DNAH12: variants seen among roughly 807,000 people sequenced by gnomAD.
The protein encoded by DNAH12 is axonemal beta dynein heavy chain 12.
A neutral mutation model predicts 371.5 loss-of-function variants in DNAH12; 285 were observed. The observed-to-expected ratio is 0.77, with a 90% CI of 0.70 to 0.85. DNAH12 has a LOEUF of 0.85. Among genes scored for constraint, DNAH12 ranks in the 40% least tolerant of loss-of-function variants. The probability of loss-of-function intolerance (pLI) is 0.00; values close to 1 mark genes in which losing one functional copy is unlikely to be tolerated. For synonymous variants in DNAH12, 1,200 were observed against 1,213.0 expected (o/e 0.99, Z 0.22); for missense variants, 3,611 against 3,689.4 (o/e 0.98, Z 0.55).
intron 2 of DNAH12, among the ~76,000 whole-genome samples, chr3:57,532,117 T>C (rs1050553962): frequency 4.6e-5 from 7 of 152,232 alleles, no homozygotes; most frequent in African/African-American, 9.6e-5. Flanking sequence ...TTAAAACTGC[T>C]ATTAAAAGAA....
intron 65 of DNAH12, among the ~76,000 whole-genome samples, chr3:57,318,469 T>C (rs183594563): frequency 5.5e-4 from 84 of 152,216 alleles, no homozygotes; most frequent in Non-Finnish European, 4.6e-4. Flanking sequence ...GTTGACCTTA[T>C]ATGTGTAGAT....
At chr3:57,358,887 C>A (rs1368362223) in intron 58 of DNAH12, among the ~76,000 whole-genome samples, 1 of 152,090 alleles carries the variant, frequency 6.6e-6, no homozygotes, top group East Asian at 1.9e-4. Context: ...TGGGTTCAAG[C>A]GATTCTCCTG....
At chr3:57,487,171 C>A (rs903791244) in intron 12 of DNAH12, among the ~76,000 whole-genome samples, 3 of 151,696 alleles carry the variant, frequency 2.0e-5, no homozygotes, top group Non-Finnish European at 4.4e-5. Context: ...CACAGTGGCC[C>A]ACACCTGTAA....
chr3:57,317,067 C>G (rs2061701464), intron 65 of DNAH12, among the ~76,000 whole-genome samples: 1 of 152,194 alleles, frequency 6.6e-6, no homozygotes, highest in African/African-American at 2.4e-5. Flanking sequence ...TATATTTAAA[C>G]TAACTGAAAT....
At chr3:57,300,626 T>C (rs1272941311) in intron 70 of DNAH12, among the ~76,000 whole-genome samples, 1 of 152,116 alleles carries the variant, frequency 6.6e-6, no homozygotes, top group African/African-American at 2.4e-5. Flanking sequence ...CAGCAAGATA[T>C]GGTTGACCTA....
chr3:57,512,854 C>T (rs1334410717), intron 4 of DNAH12, among the ~76,000 whole-genome samples: 1 of 152,078 alleles, frequency 6.6e-6, no homozygotes, highest in Non-Finnish European at 1.5e-5. Context: ...AAATGTGGTA[C>T]ATGGCCAGGC....
chr3:57,310,628 TA>T, intron 67 of DNAH12, 88 bp downstream of exon 67: 1 of 889,046 alleles, frequency 1.1e-6, no homozygotes, highest in Non-Finnish European at 1.7e-6. Context: ...AATATTTGTC[TA>T]AACCTATACA....
At chr3:57,524,010 A>G in intron 2 of DNAH12, 126 bp from the exon 3 acceptor site, 1 of 556,184 alleles carries the variant, frequency 1.8e-6, no homozygotes, top group Non-Finnish European at 2.9e-6. Flanking sequence ...TGAATTTTTT[A>G]TGAGAAACAA....
In DNAH12 at chr3:57,507,717, C is replaced by T. The variant is rs747711530; in HGVS notation, c.823G>A (p.Glu275Lys). The T allele has an allele frequency of 6.2e-7, 1 of 1,611,280 alleles. No homozygotes were observed. Among genetic ancestry groups the T allele is most frequent in the South Asian group, 1.1e-5 (1 of 90,242 alleles). Residue 275 changes from glutamate (E) to lysine (K), a missense_variant, in exon 8 of 74, where the codon GAG (glutamate) becomes AAG (lysine). Coordinates refer to ENST00000495027, the MANE Select transcript of DNAH12 (RefSeq NM_001366028.2). Reference protein sequence around the residue: ...PKVINLFTKKEALEGVKPEKL... With the variant: ...PKVINLFTKKKALEGVKPEKL... Reference sequence around the variant, plus strand: ...TCAGGTTTAACACCTTCTAGTGCCTCCTTCTTGGTAAAGAGATTTATAACC... The same window carrying T: ...TCAGGTTTAACACCTTCTAGTGCCTTCTTCTTGGTAAAGAGATTTATAACC...
intron 65 of DNAH12, among the ~76,000 whole-genome samples, chr3:57,315,748 C>T (rs1346997419): frequency 6.6e-6 from 1 of 152,104 alleles, no homozygotes; most frequent in Non-Finnish European, 1.5e-5. Context: ...GAAGTTGTTG[C>T]TGTGATGAGG....
At chr3:57,396,309 AAG>A (rs1233803305) in intron 43 of DNAH12, among the ~76,000 whole-genome samples, 2 of 151,116 alleles carry the variant, frequency 1.3e-5, no homozygotes, top group African/African-American at 4.9e-5. Flanking sequence ...AAAAAAAAAA[AAG>A]AGAACCATAA....
Position 57,457,917 on chromosome 3 carries a change from C to G in DNAH12, c.3140G>C (p.Cys1047Ser). 1 of 1,551,594 alleles carries G rather than the reference C, an allele frequency of 6.4e-7. No individual in the cohort carries two copies. The highest frequency in any genetic ancestry group is 8.7e-7 in the Non-Finnish European group (1 of 1,146,960). Reference sequence around the variant, plus strand: ...CTCTAATTTAGCAATGCCCTCAAAGCATTTTTTTAAATGTGGCTGAACTCT... The same window carrying G: ...CTCTAATTTAGCAATGCCCTCAAAGGATTTTTTTAAATGTGGCTGAACTCT... ...PLRVQPHLKK[C>S]FEGIAKLEFL... The change falls in exon 22 of 74, where the codon TGC (cysteine) becomes TCC (serine). Residue 1047 changes from cysteine to serine, a missense_variant. By Grantham distance (112) the Cys-to-Ser change is moderately radical. This residue lies in a region of DNAH12 where 1,314 missense variants were observed against 1,398.7 expected (regional missense o/e 0.94). Coordinates refer to ENST00000495027, the MANE Select transcript of DNAH12 (RefSeq NM_001366028.2).
intron 14 of DNAH12, among the ~76,000 whole-genome samples, 188 bp from the exon 15 acceptor site, chr3:57,471,794 T>C (rs1234979348): frequency 6.6e-6 from 1 of 152,152 alleles, no homozygotes; most frequent in Non-Finnish European, 1.5e-5. Context: ...CATTCCTAGA[T>C]CTCCAAAGTG....
chr3:57,500,405 A>G (rs569460879), intron 11 of DNAH12, among the ~76,000 whole-genome samples: 12 of 152,324 alleles, frequency 7.9e-5, no homozygotes, highest in African/African-American at 2.9e-4. Flanking sequence ...CCTTCAGAAC[A>G]AAGTACAAAC....
rs1417112293 is a variant in DNAH12, at chr3:57,531,591, A to G, written c.171-7707T>C. The stretch of plus-strand genomic sequence containing the variant: ...AACCTGGCCAACATGGCAAAACCCC[A>G]TATCTACTAAAAATACAAAAAAAAT... On this transcript the variant is annotated intron_variant, in intron 2 of 73. Coordinates refer to ENST00000495027, the MANE Select transcript of DNAH12 (RefSeq NM_001366028.2). Among the ~76,000 whole-genome samples the G allele has an allele frequency of 6.6e-5, 10 of 151,750 alleles. No individual in the cohort carries two copies. The East Asian group carries it at 1.4e-3, about 21-fold the overall frequency.
intron 65 of DNAH12, 116 bp downstream of exon 65, chr3:57,322,227 A>T: frequency 8.5e-7 from 1 of 1,175,782 alleles, no homozygotes. Flanking sequence ...GGAAATGCGT[A>T]AAGTTTTAAA....
In DNAH12 at chr3:57,435,394, A is replaced by AATATAATT. The variant is rs1159907767; in HGVS notation, c.4655+1549_4655+1556dup. On this transcript the variant is annotated intron_variant, in intron 30 of 73. Transcript: ENST00000495027. The stretch of plus-strand genomic sequence containing the variant: ...CTCCCAAAAAAAAAAAAAAAAAAAG[A>AATATAATT]ATATAATTCCCAGTAATCATTTCAG... Among the ~76,000 whole-genome samples, 58 of 150,308 alleles carry AATATAATT rather than the reference A, an allele frequency of 3.9e-4. 5 individuals carry two copies. The highest frequency in any genetic ancestry group is 2.1e-3 in the Admixed American group (32 of 15,058).
chr3:57,344,592 A>G (rs1420429567), intron 60 of DNAH12, among the ~76,000 whole-genome samples: 1 of 152,206 alleles, frequency 6.6e-6, no homozygotes, highest in Non-Finnish European at 1.5e-5. Flanking sequence ...TACATACACA[A>G]TGGAATACCA....
chr3:57,505,472 A>C (rs2153392129), intron 8 of DNAH12, among the ~76,000 whole-genome samples: 1 of 152,012 alleles, frequency 6.6e-6, no homozygotes, highest in South Asian at 2.1e-4. Context: ...ACAGAGTCTC[A>C]CTCTGTCGGT....
Sources: gnomAD v4.1 joint callset for allele counts (sites outside exome capture counted in the v4.1 genomes callset) on GRCh38, gnomAD v4.1.1 for gene constraint, gnomAD v4.1.1 regional missense constraint, MANE v1.5 for transcripts, NCBI Gene and HGNC (gene_info 2026-07-23, HGNC 2026-07-21) for gene names.